The following GMDS variants were observed in gnomAD, a reference collection of about 807,000 sequenced individuals.
The protein encoded by GMDS is GDP-mannose 4,6 dehydratase.
GMDS carries 20 observed loss-of-function variants against 49.9 expected under a neutral mutation model. The ratio of observed to expected loss-of-function variants is 0.40; its 90% confidence interval spans 0.28 to 0.58. GMDS has a LOEUF of 0.58. GMDS is among the 20% of genes least tolerant of loss of function. GMDS has a pLI of 0.42. For missense variants in GMDS, 362 were observed against 481.4 expected, an observed-to-expected ratio of 0.75 and a Z score of 2.32; for synonymous variants, 177 against 178.6, an observed-to-expected ratio of 0.99 and a Z score of 0.07.
At chr6:1,888,143 T>A (rs1177736907) in intron 7 of GMDS, among the ~76,000 whole-genome samples, 5 of 149,712 alleles carry the variant, frequency 3.3e-5, no homozygotes, top group African/African-American at 1.2e-4. Flanking sequence ...TATTTTTTTT[T>A]TTTTTTTGAA....
At chr6:1,741,931 T>C (rs1767288477) in intron 8 of GMDS, among the ~76,000 whole-genome samples, 1 of 151,678 alleles carries the variant, frequency 6.6e-6, no homozygotes, top group African/African-American at 2.4e-5. Context: ...ATCTTTCTTT[T>C]TTTTTTTTGA....
intron 4 of GMDS, among the ~76,000 whole-genome samples, chr6:2,030,903 C>T (rs1236757554): frequency 3.9e-5 from 6 of 152,180 alleles, no homozygotes; most frequent in South Asian, 4.1e-4. Flanking sequence ...GACTCAACAC[C>T]AATACAATAA....
chr6:1,856,738 C>T (rs1433536196), intron 7 of GMDS, among the ~76,000 whole-genome samples: 2 of 152,196 alleles, frequency 1.3e-5, no homozygotes, highest in African/African-American at 4.8e-5. Flanking sequence ...TGGTGTGGAA[C>T]TCTTTAGGCT....
chr6:2,232,672 T>C (rs903633572), intron 1 of GMDS, among the ~76,000 whole-genome samples: 1 of 152,186 alleles, frequency 6.6e-6, no homozygotes, highest in Non-Finnish European at 1.5e-5. Flanking sequence ...CTGAGAGGCT[T>C]CATAATGAGG....
intron 1 of GMDS, among the ~76,000 whole-genome samples, chr6:2,223,678 T>G (rs1780696763): frequency 6.6e-6 from 1 of 152,240 alleles, no homozygotes; most frequent in Non-Finnish European, 1.5e-5. Context: ...GATTTCTGAC[T>G]TTGGCTCCCA....
At chr6:1,879,101 T>A (rs150659324) in intron 7 of GMDS, among the ~76,000 whole-genome samples, 3 of 152,266 alleles carry the variant, frequency 2.0e-5, no homozygotes, top group African/African-American at 7.2e-5. Flanking sequence ...TATACAAAGT[T>A]GCGATAAAGA....
intron 7 of GMDS, among the ~76,000 whole-genome samples, chr6:1,822,654 A>G (rs1046965025): frequency 6.6e-6 from 1 of 152,166 alleles, no homozygotes; most frequent in East Asian, 1.9e-4. Flanking sequence ...TTAATGTTTA[A>G]GGCTTTGTGA....
At chr6:1,921,459 G>C (rs1408498125) in intron 7 of GMDS, among the ~76,000 whole-genome samples, 1 of 152,174 alleles carries the variant, frequency 6.6e-6, no homozygotes, top group Non-Finnish European at 1.5e-5. Context: ...GACCTAGCCA[G>C]ATAAAACAGG....
intron 4 of GMDS, 99 bp from the exon 5 acceptor site, chr6:1,961,065 G>A: frequency 1.7e-6 from 1 of 577,880 alleles, no homozygotes; most frequent in Non-Finnish European, 2.9e-6. Context: ...ACTGTGAAAT[G>A]TTGGTGAGAA....
chr6:1,912,322 C>T lies in GMDS; in HGVS notation c.771+17781G>A, dbSNP rs140502087. On this transcript the variant is annotated intron_variant, in intron 7 of 10. Transcript: ENST00000380815. Reference sequence around the variant, plus strand: ...CAGAGGTTGCAGTGAACCAAGATCACGCCACTGCACTCCAGCCTGGGCAAC... The same window carrying T: ...CAGAGGTTGCAGTGAACCAAGATCATGCCACTGCACTCCAGCCTGGGCAAC... 5.2e-3 allele frequency among the ~76,000 whole-genome samples: 795 copies of T among 152,190 alleles called. 6 individuals are homozygous for T. Among genetic ancestry groups the T allele is most frequent in the African/African-American group, 0.018 (759 of 41,508 alleles).
chr6:1,946,067 A>G (rs1763063856), intron 6 of GMDS, among the ~76,000 whole-genome samples: 1 of 152,188 alleles, frequency 6.6e-6, no homozygotes, highest in Non-Finnish European at 1.5e-5. Context: ...TCCATATTTT[A>G]CTTCATCACT....
At chr6:1,967,008 T>A (rs1398660870) in intron 4 of GMDS, among the ~76,000 whole-genome samples, 3 of 151,944 alleles carry the variant, frequency 2.0e-5, no homozygotes, top group Admixed American at 6.6e-5. Context: ...ACCACACTTA[T>A]CCCCCACTAC....
At chr6:1,848,971 A>C (rs1581253221) in intron 7 of GMDS, among the ~76,000 whole-genome samples, 1 of 152,100 alleles carries the variant, frequency 6.6e-6, no homozygotes, top group African/African-American at 2.4e-5. Flanking sequence ...GTAGCAGCAT[A>C]CCTGGCCTCA....
At chr6:2,215,871 A>G (rs771134901) in intron 1 of GMDS, among the ~76,000 whole-genome samples, 2 of 152,218 alleles carry the variant, frequency 1.3e-5, no homozygotes, top group Non-Finnish European at 1.5e-5. Context: ...TAAATACAAT[A>G]AAGGTTGTGT....
chr6:2,091,613 G>T (rs1158973762), intron 4 of GMDS, among the ~76,000 whole-genome samples: 1 of 152,184 alleles, frequency 6.6e-6, no homozygotes, highest in African/African-American at 2.4e-5. Flanking sequence ...AGACAAGTGG[G>T]ATGTGCTTGG....
At chr6:1,841,101 C>T (rs1757134963) in intron 7 of GMDS, among the ~76,000 whole-genome samples, 1 of 151,902 alleles carries the variant, frequency 6.6e-6, no homozygotes, top group South Asian at 2.1e-4. Context: ...TTTTTTTAAG[C>T]TTTGTTGACT....
intron 4 of GMDS, among the ~76,000 whole-genome samples, chr6:2,070,993 C>T (rs1022940128): frequency 4.6e-5 from 7 of 152,092 alleles, no homozygotes; most frequent in African/African-American, 1.4e-4. Context: ...AGAAGACATG[C>T]CCTTGCTCCA....
At chr6:2,238,500 C>A (rs1350284489) in intron 1 of GMDS, among the ~76,000 whole-genome samples, 1 of 152,158 alleles carries the variant, frequency 6.6e-6, no homozygotes, top group East Asian at 1.9e-4. Flanking sequence ...CATACTTTTA[C>A]TATTCTCATT....
rs551466117 is a variant in GMDS at position 1,786,351 on chromosome 6, G to A, written c.772-43765C>T. On this transcript the variant is annotated intron_variant, in intron 7 of 10. Transcript: ENST00000380815. The stretch of plus-strand genomic sequence containing the variant: ...GCCTCGGCTGAGGGAAGCAGCACAG[G>A]AAGCAGGGTTGGCTATGGGCAAGCA... Among the ~76,000 whole-genome samples the A allele has an allele frequency of 2.6e-5, 4 of 152,376 alleles. No homozygotes were observed. In the East Asian group the frequency reaches 7.7e-4, roughly 29 times the overall value.
Sources: allele counts gnomAD v4.1 joint callset (sites outside exome capture counted in the v4.1 genomes callset), GRCh38; gene constraint gnomAD v4.1.1; transcripts MANE v1.5; gene names NCBI Gene and HGNC (gene_info 2026-07-23, HGNC 2026-07-21).